SORCS2: variants seen among roughly 807,000 people sequenced by gnomAD.
The protein encoded by SORCS2 is sortilin related VPS10 domain containing receptor 2.
A neutral mutation model predicts 141.6 loss-of-function variants in SORCS2; 100 were observed. That is an observed-to-expected ratio of 0.71 (90% confidence interval 0.60 to 0.83). The LOEUF (loss-of-function observed/expected upper bound fraction) is 0.83. SORCS2 is among the 40% of genes least tolerant of loss of function. The pLI is 0.00. For synonymous variants in SORCS2, 789 were observed against 676.9 expected (o/e 1.17, Z -2.57); for missense variants, 1,646 against 1,560.2 (o/e 1.05, Z -0.93).
At chr4:7,399,094 A>G (rs12501740) in intron 2 of SORCS2, among the ~76,000 whole-genome samples, 28,165 of 152,194 alleles carry the variant, frequency 0.19, 2,886 homozygotes, top group Non-Finnish European at 0.23. Flanking sequence ...GTAAGGAGGA[A>G]CAGTTTTCTG....
chr4:7,302,619 A>G (rs4689685), intron 1 of SORCS2, among the ~76,000 whole-genome samples: 37,676 of 152,034 alleles, frequency 0.25, 5,395 homozygotes, highest in Admixed American at 0.38. Flanking sequence ...CTCCATGGCA[A>G]TGACCACAGT....
intron 2 of SORCS2, among the ~76,000 whole-genome samples, chr4:7,509,091 A>G (rs1732451966): frequency 6.6e-6 from 1 of 152,192 alleles, no homozygotes; most frequent in Non-Finnish European, 1.5e-5. Context: ...CAAACAGGAG[A>G]TCAGTACCTG....
At chr4:7,243,817 C>T (rs565664391) in intron 1 of SORCS2, among the ~76,000 whole-genome samples, 3 of 152,344 alleles carry the variant, frequency 2.0e-5, no homozygotes, top group South Asian at 2.1e-4. Flanking sequence ...GAGGGCAGGC[C>T]GGCCTCTGGG....
intron 2 of SORCS2, among the ~76,000 whole-genome samples, chr4:7,463,500 G>T (rs1729433230): frequency 6.6e-6 from 1 of 152,126 alleles, no homozygotes; most frequent in African/African-American, 2.4e-5. Flanking sequence ...AAATCCCTGG[G>T]GGTGGGGGCG....
intron 8 of SORCS2, among the ~76,000 whole-genome samples, chr4:7,671,186 A>G (rs1475905823): frequency 6.6e-6 from 1 of 152,192 alleles, no homozygotes; most frequent in Non-Finnish European, 1.5e-5. Context: ...ATAAGAACAA[A>G]ACATGGCAAG....
At chr4:7,218,102 G>A (rs1728474202) in intron 1 of SORCS2, among the ~76,000 whole-genome samples, 1 of 152,292 alleles carries the variant, frequency 6.6e-6, no homozygotes, top group South Asian at 2.1e-4. Context: ...TGGGGGTCAG[G>A]AGGGGCCCTC....
intron 18 of SORCS2, among the ~76,000 whole-genome samples, chr4:7,721,263 G>A (rs575816573): frequency 7.9e-5 from 12 of 152,266 alleles, no homozygotes; most frequent in South Asian, 4.1e-4. Flanking sequence ...TCGGGAGTTC[G>A]AGACCAGCCT....
chr4:7,621,609 A>G (rs149327182), intron 3 of SORCS2, among the ~76,000 whole-genome samples: 5 of 152,038 alleles, frequency 3.3e-5, no homozygotes, highest in Admixed American at 2.6e-4. Flanking sequence ...ATGTGTGTGT[A>G]TTTTGGGGGT....
chr4:7,602,243 G>T (rs1717748026), intron 3 of SORCS2, among the ~76,000 whole-genome samples: 1 of 149,168 alleles, frequency 6.7e-6, no homozygotes, highest in Non-Finnish European at 1.5e-5. Flanking sequence ...AGACGGGGTG[G>T]CCAGGCAGAG....
Position 7,310,761 on chromosome 4 carries a change from A to T in SORCS2, c.481-85527A>T, listed in dbSNP as rs148880600. ...TGTCCCTGAAGATTCTAGGCTGCGA[A>T]GATAGAATTGTATCAGCAAATCTTG... is the stretch of plus-strand genomic sequence containing the variant. On this transcript the variant is annotated intron_variant, in intron 1 of 26. Transcript: ENST00000507866. Among the ~76,000 whole-genome samples, 384 of 152,370 alleles carry T rather than the reference A, an allele frequency of 2.5e-3. 2 individuals are homozygous for T. The highest frequency in any genetic ancestry group is 8.5e-3 in the African/African-American group (352 of 41,580).
chr4:7,456,280 A>G (rs1469838617), intron 2 of SORCS2, among the ~76,000 whole-genome samples: 2 of 152,194 alleles, frequency 1.3e-5, no homozygotes, highest in African/African-American at 2.4e-5. Flanking sequence ...TGCCCATGAC[A>G]GGAGCTCACT....
chr4:7,291,647 C>G (rs1057194065), intron 1 of SORCS2, among the ~76,000 whole-genome samples: 2 of 152,164 alleles, frequency 1.3e-5, no homozygotes, highest in Non-Finnish European at 2.9e-5. Flanking sequence ...GCCAGGAGAG[C>G]CTGGTGTGTG....
chr4:7,227,675 G>C (rs751494712), intron 1 of SORCS2, among the ~76,000 whole-genome samples: 2 of 152,036 alleles, frequency 1.3e-5, no homozygotes, highest in Admixed American at 1.3e-4. Flanking sequence ...CTCACCCACC[G>C]CGCTGCTTCC....
intron 1 of SORCS2, among the ~76,000 whole-genome samples, chr4:7,316,010 C>A (rs562643881): frequency 6.6e-6 from 1 of 152,124 alleles, no homozygotes; most frequent in South Asian, 2.1e-4. Context: ...TTCATCTATC[C>A]TTTCTATCCA....
At chr4:7,583,415 C>G (rs955655834) in intron 3 of SORCS2, among the ~76,000 whole-genome samples, 1 of 152,170 alleles carries the variant, frequency 6.6e-6, no homozygotes, top group African/African-American at 2.4e-5. Context: ...CGAAGTCATA[C>G]CACCTCGTAA....
chr4:7,322,910 C>G (rs565118618), intron 1 of SORCS2, among the ~76,000 whole-genome samples: 2 of 152,308 alleles, frequency 1.3e-5, no homozygotes, highest in South Asian at 4.2e-4. Flanking sequence ...GCCTCCCCAC[C>G]CCCATCCAGA....
chr4:7,526,001 C>A (rs1303352665), intron 2 of SORCS2, among the ~76,000 whole-genome samples: 1 of 127,168 alleles, frequency 7.9e-6, no homozygotes, highest in Non-Finnish European at 1.7e-5. Context: ...CCCCTGCAGT[C>A]ACCTGTCCCC....
intron 3 of SORCS2, among the ~76,000 whole-genome samples, chr4:7,591,062 A>T (rs111781572): frequency 2.0e-5 from 3 of 152,296 alleles, no homozygotes; most frequent in East Asian, 3.9e-4. Flanking sequence ...GCGGGTCTCA[A>T]TGGAGGAAAC....
At chr4:7,205,186 T>C (rs1421425393) in intron 1 of SORCS2, among the ~76,000 whole-genome samples, 2 of 152,182 alleles carry the variant, frequency 1.3e-5, no homozygotes, top group African/African-American at 4.8e-5. Flanking sequence ...AGGCGGCTGC[T>C]GTGTACCTGG....
Sources: allele counts gnomAD v4.1 joint callset (sites outside exome capture counted in the v4.1 genomes callset), GRCh38; gene constraint gnomAD v4.1.1; transcripts MANE v1.5; gene names NCBI Gene and HGNC (gene_info 2026-07-23, HGNC 2026-07-21).